The following ANK1 variants were observed in gnomAD, a reference collection of about 807,000 sequenced individuals.
ANK1 encodes the protein ankyrin-1.
ANK1 carries 51 observed loss-of-function variants against 210.4 expected under a neutral mutation model. The observed-to-expected ratio is 0.24, with a 90% CI of 0.19 to 0.31. ANK1 has a LOEUF of 0.31. ANK1 is among the 10% of genes least tolerant of loss of function. The pLI, the probability that ANK1 is intolerant of heterozygous loss-of-function variation, is 1.00. For missense variants in ANK1, 2,051 were observed against 2,504.4 expected (o/e 0.82, Z 3.86); for synonymous variants, 967 against 1,025.9 (o/e 0.94, Z 1.10).
chr8:41,735,611 C>T (rs11984612), intron 2 of ANK1, among the ~76,000 whole-genome samples: 1 of 152,114 alleles, frequency 6.6e-6, no homozygotes, highest in Non-Finnish European at 1.5e-5. Flanking sequence ...CTGCGTTCCT[C>T]GAATTCCAGC....
At chr8:41,888,693 G>C (rs1249575103) in intron 1 of ANK1, among the ~76,000 whole-genome samples, 1 of 152,258 alleles carries the variant, frequency 6.6e-6, no homozygotes, top group Admixed American at 6.5e-5. Context: ...GTGGTGAACA[G>C]AGAATCTCCA....
At chr8:41,705,568 G>A (rs538625919) in intron 18 of ANK1, among the ~76,000 whole-genome samples, 1 of 152,186 alleles carries the variant, frequency 6.6e-6, no homozygotes, top group Non-Finnish European at 1.5e-5. Flanking sequence ...GTGGGGAAAA[G>A]AAACAAAATG....
In ANK1 at chr8:41,701,469, G is replaced by C. The variant is rs1039024744; in HGVS notation, c.2461+81C>G. The C allele has an allele frequency of 9.2e-6, 12 of 1,301,490 alleles. No homozygotes were observed. The African/African-American group carries it at 1.2e-4, about 13-fold the overall frequency. 80.6% of individuals were successfully genotyped at this position (1,301,490 alleles called of 1,614,324 possible). A position where few individuals can be genotyped will look rare whatever the true frequency, so the allele number is the denominator to read the frequency against. ...GGGCGTGTTGTAAGGGGACAAAGCCGGCAGGTGGCAGGAAGCCCCCTTGGA... is the reference window on the plus strand; with the variant it reads ...GGGCGTGTTGTAAGGGGACAAAGCCCGCAGGTGGCAGGAAGCCCCCTTGGA... On this transcript the variant is annotated intron_variant, in intron 22 of 42. Coordinates refer to ENST00000289734, the MANE Select transcript of ANK1 (RefSeq NM_000037.4).
chr8:41,658,106 A>G (rs184477441), intron 42 of ANK1, among the ~76,000 whole-genome samples: 326 of 152,268 alleles, frequency 2.1e-3, no homozygotes, highest in Non-Finnish European at 3.6e-3. Context: ...CTCATCTCAA[A>G]TTATCCTCCT....
At chr8:41,777,812 C>T (rs1844419728) in intron 1 of ANK1, among the ~76,000 whole-genome samples, 2 of 152,060 alleles carry the variant, frequency 1.3e-5, no homozygotes, top group Admixed American at 1.3e-4. Context: ...GGATGTCAAG[C>T]ATTAGAGAAA....
chr8:41,855,258 G>C (rs1811990041), intron 1 of ANK1, among the ~76,000 whole-genome samples: 2 of 152,226 alleles, frequency 1.3e-5, no homozygotes, highest in South Asian at 2.1e-4. Context: ...AAAATGTTAT[G>C]TGACCAAAGT....
chr8:41,835,177 G>T (rs1807418323), intron 1 of ANK1, among the ~76,000 whole-genome samples: 1 of 152,254 alleles, frequency 6.6e-6, no homozygotes, highest in African/African-American at 2.4e-5. Context: ...GTGTAAGCGG[G>T]GTAGGTGGCT....
At chr8:41,827,943 T>C (rs970619914) in intron 1 of ANK1, among the ~76,000 whole-genome samples, 3 of 151,600 alleles carry the variant, frequency 2.0e-5, no homozygotes, top group Non-Finnish European at 4.4e-5. Context: ...CACTCACACA[T>C]GCATACACAG....
chr8:41,808,132 C>A (rs1428405022), intron 1 of ANK1, among the ~76,000 whole-genome samples: 1 of 152,182 alleles, frequency 6.6e-6, no homozygotes, highest in Admixed American at 6.5e-5. Context: ...AGGGACACCC[C>A]ACCTCCTCTA....
chr8:41,669,178 A>G (rs1811467256), intron 38 of ANK1, among the ~76,000 whole-genome samples: 1 of 151,248 alleles, frequency 6.6e-6, no homozygotes, highest in Non-Finnish European at 1.5e-5. Flanking sequence ...AAGCAAGCTC[A>G]TTCATCCCAT....
chr8:41,867,525 T>C (rs1448148116), intron 1 of ANK1, among the ~76,000 whole-genome samples: 1 of 152,128 alleles, frequency 6.6e-6, no homozygotes, highest in African/African-American at 2.4e-5. Context: ...CCACAGCAAA[T>C]GACTCCCAGA....
At chr8:41,811,903 A>G (rs776882427) in intron 1 of ANK1, among the ~76,000 whole-genome samples, 2 of 152,258 alleles carry the variant, frequency 1.3e-5, no homozygotes, top group African/African-American at 2.4e-5. Context: ...ACATACCTGT[A>G]TATGTCCTAA....
intron 16 of ANK1, among the ~76,000 whole-genome samples, chr8:41,711,681 G>A (rs1826163303): frequency 6.6e-6 from 1 of 152,014 alleles, no homozygotes; most frequent in Non-Finnish European, 1.5e-5. Flanking sequence ...ATAACCTCTG[G>A]GACTTTCTAG....
At chr8:41,699,337 G>C (rs764850959) in intron 23 of ANK1, 115 bp downstream of exon 23, 2 of 960,756 alleles carry the variant, frequency 2.1e-6, no homozygotes, top group East Asian at 2.4e-5. Flanking sequence ...CTCTCTCTGC[G>C]GGCAGCGAGC....
intron 1 of ANK1, among the ~76,000 whole-genome samples, chr8:41,794,583 G>A (rs1049423540): frequency 6.6e-5 from 10 of 152,156 alleles, no homozygotes; most frequent in Non-Finnish European, 1.2e-4. Flanking sequence ...TTCCCCTGCT[G>A]GGAAATAAGC....
intron 2 of ANK1, among the ~76,000 whole-genome samples, chr8:41,747,220 T>A (rs72640306): frequency 0.03 from 4,625 of 152,128 alleles, 145 homozygotes; most frequent in African/African-American, 0.082. Context: ...ACCAAAGAAG[T>A]CAATCGAATG....
Position 41,701,629 on chromosome 8 carries a change from C to A in ANK1, c.2389-7G>T. On this transcript the variant is annotated splice_region_variant and splice_polypyrimidine_tract_variant and intron_variant, in intron 21 of 42. Coordinates refer to ENST00000289734, the MANE Select transcript of ANK1 (RefSeq NM_000037.4). The stretch of plus-strand genomic sequence containing the variant: ...GATGCTTATCACTGACTAACTAAAA[C>A]GAGAAAAAGCAGATAATTCAACCCA... 1.9e-6 allele frequency: 3 copies of A among 1,613,830 alleles called. No individual in the cohort carries two copies. The African/African-American group carries it at 4.0e-5, about 22-fold the overall frequency.
intron 40 of ANK1, 53 bp downstream of exon 40, chr8:41,663,606 G>A: frequency 1.3e-6 from 2 of 1,553,298 alleles, no homozygotes; most frequent in Non-Finnish European, 8.9e-7. Context: ...CCACCTTTTA[G>A]CTTCTAGCCC....
At chr8:41,813,126 A>G (rs1047522789) in intron 1 of ANK1, among the ~76,000 whole-genome samples, 1 of 152,238 alleles carries the variant, frequency 6.6e-6, no homozygotes, top group African/African-American at 2.4e-5. Flanking sequence ...CAGTTGAGAA[A>G]ATGTCTAGAT....
Sources: gnomAD v4.1 joint callset for allele counts (sites outside exome capture counted in the v4.1 genomes callset) on GRCh38, gnomAD v4.1.1 for gene constraint, MANE v1.5 for transcripts, NCBI Gene and HGNC (gene_info 2026-07-23, HGNC 2026-07-21) for gene names.